The following PCDHA2 variants were observed in gnomAD, a reference collection of about 807,000 sequenced individuals.
PCDHA2 encodes protocadherin alpha-2.
A neutral mutation model predicts 66.0 loss-of-function variants in PCDHA2; 58 were observed. That is an observed-to-expected ratio of 0.88 (90% CI 0.71 to 1.09). The LOEUF (loss-of-function observed/expected upper bound fraction) is 1.09, where lower values mean the gene tolerates loss of function less well. PCDHA2 is among the 50% of genes least tolerant of loss of function. The pLI is 0.00. For synonymous variants in PCDHA2, 634 were observed against 554.0 expected (o/e 1.14, Z -2.03); for missense variants, 1,267 against 1,242.3 (o/e 1.02, Z -0.30).
intron 1 of PCDHA2, chr5:140,827,969 T>G: frequency 1.5e-6 from 2 of 1,373,188 alleles, no homozygotes; most frequent in Non-Finnish European, 2.0e-6. Flanking sequence ...TATTACTGCA[T>G]CATTCCCTGA....
intron 1 of PCDHA2, chr5:140,882,650 G>A (rs782695823): frequency 8.1e-6 from 13 of 1,614,212 alleles, no homozygotes; most frequent in Non-Finnish European, 8.5e-6. Context: ...GGACATTAAC[G>A]ACAACCCGCC....
chr5:140,862,630 C>T (rs138501125), intron 1 of PCDHA2: 7 of 535,352 alleles, frequency 1.3e-5, no homozygotes, highest in Non-Finnish European at 2.7e-5. Flanking sequence ...GCGGGGCTGC[C>T]ACGACTTCAC....
At chr5:140,968,455 G>C in intron 1 of PCDHA2, 2 of 1,614,084 alleles carry the variant, frequency 1.2e-6, no homozygotes, top group Non-Finnish European at 1.7e-6. Context: ...GCAGCACTGT[G>C]ACTGCCAACG....
At chr5:140,996,590 C>G (rs1325471388) in intron 3 of PCDHA2, among the ~76,000 whole-genome samples, 7 of 152,096 alleles carry the variant, frequency 4.6e-5, no homozygotes, top group African/African-American at 1.7e-4. Context: ...CAAGGGCCGC[C>G]TCCCCCCATT....
intron 3 of PCDHA2, among the ~76,000 whole-genome samples, chr5:140,993,102 C>T (rs979360910): frequency 2.6e-5 from 4 of 152,272 alleles, no homozygotes; most frequent in South Asian, 4.1e-4. Flanking sequence ...GTTTATTCAG[C>T]GGTCAGTGTC....
chr5:140,796,200 C>T lies in PCDHA2; in HGVS notation c.1236C>T (p.Ala412=), dbSNP rs567270968. The T allele has an allele frequency of 1.2e-6, 2 of 1,614,204 alleles. No individual in the cohort carries two copies. Among genetic ancestry groups the T allele is most frequent in the Admixed American group, 1.7e-5 (1 of 60,032 alleles). ...KNYYSLVLDS[A]LDRESVSAYE... ...ACTACTCGTTGGTGCTGGACAGCGC[C>T]CTGGACCGCGAGAGCGTGTCAGCCT... The change falls in exon 1 of 4, where the codon GCC becomes GCT. Residue 412 remains alanine (A), a synonymous_variant. Coordinates refer to ENST00000526136, the MANE Select transcript of PCDHA2 (RefSeq NM_018905.3).
At chr5:140,836,951 G>T (rs1344395357) in intron 1 of PCDHA2, 4 of 428,312 alleles carry the variant, frequency 9.3e-6, no homozygotes, top group South Asian at 5.1e-5. Context: ...AAAATCTATG[G>T]TTTATGTTGG....
chr5:140,971,568 G>C (rs2096486593), intron 1 of PCDHA2, among the ~76,000 whole-genome samples: 1 of 152,074 alleles, frequency 6.6e-6, no homozygotes, highest in African/African-American at 2.4e-5. Flanking sequence ...CCCATGTTGG[G>C]CTTTCTTTTT....
At chr5:140,985,044 T>G (rs183944640) in intron 3 of PCDHA2, among the ~76,000 whole-genome samples, 1 of 152,158 alleles carries the variant, frequency 6.6e-6, no homozygotes, top group Admixed American at 6.5e-5. Flanking sequence ...TTCAAGTGAT[T>G]CTCCTGCCTC....
chr5:140,933,938 T>C (rs1275274532), intron 1 of PCDHA2, among the ~76,000 whole-genome samples: 1 of 152,108 alleles, frequency 6.6e-6, no homozygotes, highest in Non-Finnish European at 1.5e-5. Context: ...TGACTTTTTT[T>C]CACATCTGCA....
chr5:140,806,824 C>A (rs1020987259), intron 1 of PCDHA2: 3 of 232,678 alleles, frequency 1.3e-5, no homozygotes, highest in Middle Eastern at 4.6e-4. Context: ...GCCCCTATGG[C>A]GAAACTAAGG....
intron 1 of PCDHA2, among the ~76,000 whole-genome samples, chr5:140,819,080 C>T (rs1036053903): frequency 2.6e-5 from 4 of 152,098 alleles, no homozygotes; most frequent in Admixed American, 6.5e-5. Flanking sequence ...ATACAGGCAG[C>T]GCTAAGATGT....
At chr5:140,876,653 C>G in intron 1 of PCDHA2, 1 of 1,614,200 alleles carries the variant, frequency 6.2e-7, no homozygotes, top group Non-Finnish European at 8.5e-7. Flanking sequence ...CCTCATGTTC[C>G]CTTCAAGCTG....
chr5:140,973,929 T>C (rs2096608226), intron 1 of PCDHA2, among the ~76,000 whole-genome samples: 1 of 152,216 alleles, frequency 6.6e-6, no homozygotes, highest in Non-Finnish European at 1.5e-5. Flanking sequence ...AACCCAGAGG[T>C]TTAGCTGAAT....
intron 1 of PCDHA2, chr5:140,809,316 T>G: frequency 6.2e-7 from 1 of 1,614,074 alleles, no homozygotes. Flanking sequence ...GTGTCCAGCC[T>G]TTTGGTGCTC....
chr5:140,871,499 G>T, intron 1 of PCDHA2: 1 of 1,584,436 alleles, frequency 6.3e-7, no homozygotes, highest in Admixed American at 1.8e-5. Flanking sequence ...GGACAGGTGA[G>T]TTTTCTACAG....
At chr5:140,843,662 G>T in intron 1 of PCDHA2, 1 of 1,593,858 alleles carries the variant, frequency 6.3e-7, no homozygotes, top group South Asian at 1.1e-5. Flanking sequence ...TCCTGATCTG[G>T]GATCAGTTGA....
rs568088223 is a variant in PCDHA2, at chr5:140,879,577, G to T, written c.2388+82225G>T. ...ATCCATGAAAGAATAAAATTGCCAA[G>T]ACAGACATTGAAAAGTGAAAAACAA... is the stretch of plus-strand genomic sequence containing the variant. On this transcript the variant is annotated intron_variant, in intron 1 of 3. Transcript: ENST00000526136. Among the ~76,000 whole-genome samples, 5 of 152,302 alleles carry T rather than the reference G, an allele frequency of 3.3e-5. No homozygotes were observed. In the South Asian group the frequency reaches 1.0e-3, roughly 32 times the overall value.
intron 1 of PCDHA2, chr5:140,928,095 G>T (rs782045221): frequency 1.9e-6 from 3 of 1,614,190 alleles, no homozygotes; most frequent in Non-Finnish European, 1.7e-6. Flanking sequence ...TGATTGATGG[G>T]CCCCTGGACC....
Sources: allele counts gnomAD v4.1 joint callset (sites outside exome capture counted in the v4.1 genomes callset), GRCh38; gene constraint gnomAD v4.1.1; transcripts MANE v1.5; gene names NCBI Gene and HGNC (gene_info 2026-07-23, HGNC 2026-07-21).